Variants in NCOA3 observed in about 807,000 individuals in gnomAD.
NCOA3 encodes the protein CBP-interacting protein.
NCOA3 carries 51 observed loss-of-function variants against 158.8 expected under a neutral mutation model. That is an observed-to-expected ratio of 0.32 (90% CI 0.26 to 0.41). The LOEUF is 0.41. NCOA3 is among the 10% of genes least tolerant of loss of function. NCOA3 has a pLI of 1.00. For synonymous variants in NCOA3, 537 were observed against 592.4 expected, an observed-to-expected ratio of 0.91 and a Z score of 1.36; for missense variants, 1,510 against 1,746.6, an observed-to-expected ratio of 0.86 and a Z score of 2.41.
intron 1 of NCOA3, among the ~76,000 whole-genome samples, chr20:47,562,812 T>A (rs2085128447): frequency 1.3e-5 from 2 of 152,246 alleles, no homozygotes; most frequent in African/African-American, 4.8e-5. Context: ...CTTCTTTTTC[T>A]TCTCCTATAT....
Position 47,642,319 on chromosome 20 carries a change from A to G in NCOA3, c.3187A>G (p.Asn1063Asp), listed in dbSNP as rs1320737294. The G allele has an allele frequency of 2.5e-6, 4 of 1,613,356 alleles. No individual in the cohort carries two copies. Among genetic ancestry groups the G allele is most frequent in the Non-Finnish European group, 2.5e-6 (3 of 1,179,876 alleles). Residue 1063 changes from asparagine to aspartate, a missense_variant, in exon 17 of 23, where the codon AAC becomes GAC. Transcript: ENST00000371998. ...GGACCAGCTGCACACTCTTCTCAGC[A>G]ACACAGATGCCACAGGCCTGGAAGA... ...LLDQLHTLLS[N>D]TDATGLEEID... is the part of the protein sequence containing the mutation.
intron 1 of NCOA3, among the ~76,000 whole-genome samples, chr20:47,537,345 T>A (rs1376320199): frequency 2.0e-5 from 3 of 151,160 alleles, no homozygotes; most frequent in African/African-American, 7.3e-5. Context: ...TACTTTTGCC[T>A]GTGGTCATCA....
rs2086482819 is a variant in NCOA3 at position 47,634,906 on chromosome 20, C to T, written c.1113-416C>T. ...CTTCTCTCTCCCTTCTTCCTTTCTT[C>T]TTCTTCTCTTCTTCTTTTTTTTTTT... On this transcript the variant is annotated intron_variant, in intron 10 of 22. Transcript: ENST00000371998. 2.7e-5 allele frequency among the ~76,000 whole-genome samples: 4 copies of T among 146,248 alleles called. No individual in the cohort carries two copies. The South Asian group carries it at 6.5e-4, about 24-fold the overall frequency.
At chr20:47,554,878 A>G (rs2084977667) in intron 1 of NCOA3, among the ~76,000 whole-genome samples, 2 of 152,166 alleles carry the variant, frequency 1.3e-5, no homozygotes, top group African/African-American at 4.8e-5. Flanking sequence ...ATATGGAACC[A>G]AAAAGGAGCC....
intron 1 of NCOA3, among the ~76,000 whole-genome samples, chr20:47,563,388 G>C (rs182746215): frequency 2.6e-5 from 4 of 152,158 alleles, no homozygotes; most frequent in Admixed American, 1.3e-4. Context: ...GTTTATGATG[G>C]GGGGAGGAGA....
intron 2 of NCOA3, among the ~76,000 whole-genome samples, chr20:47,587,199 A>G (rs776824761): frequency 6.6e-6 from 1 of 151,950 alleles, no homozygotes; most frequent in African/African-American, 2.4e-5. Flanking sequence ...ATGAATTCCT[A>G]TTTTTTGAAT....
intron 1 of NCOA3, among the ~76,000 whole-genome samples, chr20:47,543,391 C>G (rs1450050177): frequency 6.6e-6 from 1 of 152,162 alleles, no homozygotes; most frequent in Non-Finnish European, 1.5e-5. Flanking sequence ...CTGGCTACTA[C>G]AGTGAGACTA....
chr20:47,591,427 T>C (rs1602450344), intron 2 of NCOA3, among the ~76,000 whole-genome samples: 1 of 152,308 alleles, frequency 6.6e-6, no homozygotes, highest in Non-Finnish European at 1.5e-5. Context: ...GAAGACAAAT[T>C]ATAGCATATG....
chr20:47,618,401 T>G lies in NCOA3; in HGVS notation c.-19-3828T>G, dbSNP rs550455420. ...CAGAATTCACTCTTGCTGCCTAGGCTGGAGTGCCAATGGCCCAATCTTGGC... is the reference window on the plus strand; with the variant it reads ...CAGAATTCACTCTTGCTGCCTAGGCGGGAGTGCCAATGGCCCAATCTTGGC... On this transcript the variant is annotated intron_variant, in intron 2 of 22. Transcript: ENST00000371998. 1.7e-4 allele frequency among the ~76,000 whole-genome samples: 24 copies of G among 143,774 alleles called. No homozygotes were observed. The South Asian group carries it at 5.6e-3, about 34-fold the overall frequency. 94.3% of individuals were successfully genotyped at this position (143,774 alleles called of 152,430 possible).
intron 6 of NCOA3, 53 bp from the exon 7 acceptor site, chr20:47,627,508 C>G: frequency 7.2e-7 from 1 of 1,383,006 alleles, no homozygotes; most frequent in Non-Finnish European, 1.0e-6. Context: ...TGATGATGGT[C>G]ATAGAATGAG....
chr20:47,555,175 T>C (rs77611974), intron 1 of NCOA3, among the ~76,000 whole-genome samples: 6 of 152,390 alleles, frequency 3.9e-5, no homozygotes, highest in African/African-American at 4.8e-5. Context: ...GTTGCAAATA[T>C]GCCAGGTAGT....
chr20:47,630,351 TTACCTTTCAC>T (rs1390668194), intron 8 of NCOA3: 3 of 152,138 alleles, frequency 2.0e-5, no homozygotes, highest in African/African-American at 7.2e-5. Flanking sequence ...TTTTGCAGAA[TTACCTTTCAC>T]TATGAAGCCC....
chr20:47,559,071 C>T (rs1249891607), intron 1 of NCOA3, among the ~76,000 whole-genome samples: 3 of 152,106 alleles, frequency 2.0e-5, no homozygotes, highest in Non-Finnish European at 4.4e-5. Context: ...ATAATCCTTC[C>T]CATAGAGCAC....
rs1047050817 is a variant in NCOA3 at position 47,607,916 on chromosome 20, A to T, written c.-19-14313A>T. Among the ~76,000 whole-genome samples, 7 of 152,382 alleles carry T rather than the reference A, an allele frequency of 4.6e-5. No homozygotes were observed. The South Asian group carries it at 1.2e-3, about 27-fold the overall frequency. ...CTGTTTTCTATTAAGTCAGGTAATT[A>T]TATGCAAATATATGTTTTTAATTAT... On this transcript the variant is annotated intron_variant, in intron 2 of 22. Transcript: ENST00000371998.
At chr20:47,539,892 A>G (rs964751421) in intron 1 of NCOA3, among the ~76,000 whole-genome samples, 4 of 152,238 alleles carry the variant, frequency 2.6e-5, no homozygotes, top group Non-Finnish European at 5.9e-5. Flanking sequence ...TGCCAATAAC[A>G]TGACATATTC....
At chr20:47,508,126 A>C (rs1402854004) in intron 1 of NCOA3, among the ~76,000 whole-genome samples, 1 of 152,126 alleles carries the variant, frequency 6.6e-6, no homozygotes, top group Non-Finnish European at 1.5e-5. Flanking sequence ...TTTCAGAAAC[A>C]AGCTTAATTT....
chr20:47,632,029 A>G (rs1426259531), intron 8 of NCOA3, among the ~76,000 whole-genome samples: 1 of 152,204 alleles, frequency 6.6e-6, no homozygotes, highest in Non-Finnish European at 1.5e-5. Context: ...AGATCTTACA[A>G]GGTTAAGGGT....
chr20:47,522,556 A>G (rs1204589598), intron 1 of NCOA3, among the ~76,000 whole-genome samples: 5 of 152,052 alleles, frequency 3.3e-5, no homozygotes, highest in Admixed American at 2.6e-4. Context: ...GATACCAGCC[A>G]GGTATATATG....
intron 1 of NCOA3, among the ~76,000 whole-genome samples, chr20:47,558,372 G>A (rs570380300): frequency 5.4e-5 from 8 of 149,306 alleles, no homozygotes; most frequent in Admixed American, 3.4e-4. Flanking sequence ...GTGAGCCACC[G>A]CGCCGGCCTA....
Sources: gnomAD v4.1 joint callset for allele counts (sites outside exome capture counted in the v4.1 genomes callset) on GRCh38, gnomAD v4.1.1 for gene constraint, MANE v1.5 for transcripts, NCBI Gene and HGNC (gene_info 2026-07-23, HGNC 2026-07-21) for gene names.